ERBB4: variants seen among roughly 807,000 people sequenced by gnomAD.
ERBB4 encodes receptor tyrosine-protein kinase erbB-4.
ERBB4 carries 42 observed loss-of-function variants against 158.0 expected under a neutral mutation model. The ratio of observed to expected loss-of-function variants is 0.27; its 90% confidence interval spans 0.21 to 0.34. ERBB4 has a LOEUF of 0.34. Among genes scored for constraint, ERBB4 ranks in the 10% least tolerant of loss-of-function variants. The pLI, the probability that ERBB4 is intolerant of heterozygous loss-of-function variation, is 1.00. For missense variants in ERBB4, 1,333 were observed against 1,624.1 expected (o/e 0.82, Z 3.08); for synonymous variants, 583 against 558.7 (o/e 1.04, Z -0.61).
chr2:212,104,454 T>C (rs2079168203), intron 2 of ERBB4, among the ~76,000 whole-genome samples: 2 of 152,160 alleles, frequency 1.3e-5, no homozygotes, highest in African/African-American at 4.8e-5. Context: ...CACCTGAAAT[T>C]CACCATATCT....
chr2:211,661,989 A>G (rs2071439357), intron 15 of ERBB4, among the ~76,000 whole-genome samples: 1 of 119,814 alleles, frequency 8.3e-6, no homozygotes. Flanking sequence ...CAGTGAGCCG[A>G]GATCCCGCCA....
At chr2:211,772,816 TATATATATATATATATATACAC>T (rs1229285365) in intron 4 of ERBB4, among the ~76,000 whole-genome samples, 5,473 of 25,470 alleles carry the variant, frequency 0.21, 750 homozygotes, top group Non-Finnish European at 0.27. Context: ...GGGATATATA[TATATATATATATATATATACAC>T]ATATATATAT....
At chr2:211,401,835 C>T (rs1233088749) in intron 25 of ERBB4, among the ~76,000 whole-genome samples, 2 of 151,770 alleles carry the variant, frequency 1.3e-5, no homozygotes, top group Non-Finnish European at 2.9e-5. Context: ...ATATCCTTTA[C>T]CCTAGCTCTT....
At chr2:211,547,215 A>G (rs186560763) in intron 20 of ERBB4, among the ~76,000 whole-genome samples, 5 of 152,196 alleles carry the variant, frequency 3.3e-5, no homozygotes, top group Admixed American at 1.3e-4. Flanking sequence ...ATTTTTGGAA[A>G]CTTCCTGTGA....
intron 20 of ERBB4, among the ~76,000 whole-genome samples, chr2:211,521,306 A>G (rs1010427541): frequency 2.6e-5 from 4 of 152,178 alleles, no homozygotes; most frequent in African/African-American, 7.2e-5. Context: ...TGCTGTTATG[A>G]AGATCATTTT....
rs2063493272 is a variant in ERBB4, at chr2:211,420,578, C to G, written c.2998G>C (p.Asp1000His). ...DDRMKLPSPN[D>H]SKFFQNLLDE... ...AAGAGATTCTGAAAGAACTTGCTGTCATTTGGACTGGGAAGCTTCATACGA... is the reference window on the plus strand; with the variant it reads ...AAGAGATTCTGAAAGAACTTGCTGTGATTTGGACTGGGAAGCTTCATACGA... The change falls in exon 25 of 28, where the codon GAC becomes CAC. Residue 1000 changes from aspartate to histidine, a missense_variant. By Grantham distance (81) the Asp-to-His change is moderately conservative. Coordinates refer to ENST00000342788, the MANE Select transcript of ERBB4 (RefSeq NM_005235.3). The G allele has an allele frequency of 6.2e-7, 1 of 1,612,944 alleles. No homozygotes were observed.
chr2:211,804,908 T>C (rs1190767472), intron 3 of ERBB4, among the ~76,000 whole-genome samples: 1 of 145,460 alleles, frequency 6.9e-6, no homozygotes, highest in Admixed American at 7.3e-5. Flanking sequence ...AGGTTACAGC[T>C]CTTTCAAAAT....
chr2:211,842,057 T>A lies in ERBB4; in HGVS notation c.422-53898A>T, dbSNP rs372008150. Among the ~76,000 whole-genome samples, 395 of 152,184 alleles carry A rather than the reference T, an allele frequency of 2.6e-3. 3 individuals carry two copies. The highest frequency in any genetic ancestry group is 9.3e-3 in the African/African-American group (388 of 41,574). On this transcript the variant is annotated intron_variant, in intron 3 of 27. Coordinates refer to ENST00000342788, the MANE Select transcript of ERBB4 (RefSeq NM_005235.3). ...CCCAAATTTCTAAACATATGTCTGT[T>A]TATTAAGTCAAAAGTGATGGCAAAA...
At chr2:212,318,592 A>G (rs925144160) in intron 1 of ERBB4, among the ~76,000 whole-genome samples, 6 of 151,598 alleles carry the variant, frequency 4.0e-5, no homozygotes, top group Non-Finnish European at 7.4e-5. Flanking sequence ...TGCAAATTTT[A>G]TTTTATCTAG....
intron 1 of ERBB4, among the ~76,000 whole-genome samples, chr2:212,418,263 T>C (rs1408655095): frequency 6.6e-6 from 1 of 151,960 alleles, no homozygotes; most frequent in Non-Finnish European, 1.5e-5. Context: ...ATCAATGGTA[T>C]ATGAAGAAAT....
rs138220859 is a variant in ERBB4 at position 211,767,175 on chromosome 2, G to A, written c.557-16471C>T. Among the ~76,000 whole-genome samples, 294 of 152,058 alleles carry A rather than the reference G, an allele frequency of 1.9e-3. 1 individual carries two copies. Among genetic ancestry groups the A allele is most frequent in the African/African-American group, 6.5e-3 (270 of 41,494 alleles). On this transcript the variant is annotated intron_variant, in intron 4 of 27. Coordinates refer to ENST00000342788, the MANE Select transcript of ERBB4 (RefSeq NM_005235.3). Reference sequence around the variant, plus strand: ...GTGCTTTTATTTTATTGCTTTGTTCGTGCATTTTTCCCAATTCTTTGTTCA... The same window carrying A: ...GTGCTTTTATTTTATTGCTTTGTTCATGCATTTTTCCCAATTCTTTGTTCA...
chr2:211,820,892 G>A (rs972517565), intron 3 of ERBB4, among the ~76,000 whole-genome samples: 2 of 151,632 alleles, frequency 1.3e-5, no homozygotes, highest in African/African-American at 4.8e-5. Context: ...CAATAAATAA[G>A]GTATAGAAGG....
At chr2:212,396,546 A>G (rs139623998) in intron 1 of ERBB4, among the ~76,000 whole-genome samples, 104 of 152,296 alleles carry the variant, frequency 6.8e-4, no homozygotes, top group African/African-American at 2.4e-3. Flanking sequence ...CTTAGAATTT[A>G]ATGCCCCAGA....
chr2:211,399,833 A>T (rs1414459924), intron 25 of ERBB4, among the ~76,000 whole-genome samples: 1 of 152,118 alleles, frequency 6.6e-6, no homozygotes, highest in African/African-American at 2.4e-5. Context: ...ACAACTTGTT[A>T]ACTAAGAACA....
chr2:212,490,649 A>G (rs1033199678), intron 1 of ERBB4, among the ~76,000 whole-genome samples: 2 of 151,836 alleles, frequency 1.3e-5, no homozygotes, highest in East Asian at 1.9e-4. Context: ...CTATAAGTAA[A>G]TTTGATCTGC....
At chr2:211,839,152 AAGGAGG>A (rs71409858) in intron 3 of ERBB4, among the ~76,000 whole-genome samples, 18,132 of 110,136 alleles carry the variant, frequency 0.16, 1,830 homozygotes, top group Non-Finnish European at 0.21. Flanking sequence ...GGAGAGAGAG[AAGGAGG>A]AGGAGGAGGA....
intron 1 of ERBB4, among the ~76,000 whole-genome samples, chr2:212,184,641 C>G (rs1156885290): frequency 1.4e-5 from 2 of 144,570 alleles, no homozygotes; most frequent in Non-Finnish European, 3.1e-5. Context: ...TCTTTGTGTT[C>G]GTTTGTTTTT....
intron 2 of ERBB4, among the ~76,000 whole-genome samples, chr2:211,959,792 T>C (rs969845031): frequency 2.6e-5 from 4 of 152,164 alleles, no homozygotes; most frequent in African/African-American, 7.2e-5. Context: ...TTCAAAGCTA[T>C]TCCTTGCTCT....
chr2:211,978,101 C>A (rs983479355), intron 2 of ERBB4, among the ~76,000 whole-genome samples: 1 of 151,246 alleles, frequency 6.6e-6, no homozygotes, highest in Non-Finnish European at 1.5e-5. Context: ...GCATTTTGTA[C>A]AGTGACATTT....
Sources: gnomAD v4.1 joint callset for allele counts (sites outside exome capture counted in the v4.1 genomes callset) on GRCh38, gnomAD v4.1.1 for gene constraint, MANE v1.5 for transcripts, NCBI Gene and HGNC (gene_info 2026-07-23, HGNC 2026-07-21) for gene names.